Variants in DSCAM observed in about 807,000 individuals in gnomAD.
DSCAM encodes the protein cell adhesion molecule DSCAM.
In DSCAM, 47 loss-of-function variants were observed where a neutral mutation model predicts 217.7. The ratio of observed to expected loss-of-function variants is 0.22; its 90% confidence interval spans 0.17 to 0.28. The LOEUF (loss-of-function observed/expected upper bound fraction) is 0.28. Ranked by LOEUF, DSCAM falls within the 10% of genes least tolerant of loss-of-function variation. The pLI, the probability that DSCAM is intolerant of heterozygous loss-of-function variation, is 1.00. For missense variants in DSCAM, 2,080 were observed against 2,618.3 expected, an observed-to-expected ratio of 0.79 and a Z score of 4.49; for synonymous variants, 1,056 against 1,015.3, an observed-to-expected ratio of 1.04 and a Z score of -0.76.
At chr21:40,329,638 A>G (rs1454808518) in intron 8 of DSCAM, among the ~76,000 whole-genome samples, 1 of 149,230 alleles carries the variant, frequency 6.7e-6, no homozygotes, top group African/African-American at 2.4e-5. Context: ...ATAAATAAAT[A>G]AATAAATAAA....
intron 16 of DSCAM, among the ~76,000 whole-genome samples, chr21:40,150,755 C>G (rs370777389): frequency 6.6e-6 from 1 of 152,126 alleles, no homozygotes; most frequent in African/African-American, 2.4e-5. Flanking sequence ...TTGCTTGGAG[C>G]ATGTGTCTAC....
At chr21:40,533,744 T>C (rs1262083569) in intron 3 of DSCAM, among the ~76,000 whole-genome samples, 1 of 132,194 alleles carries the variant, frequency 7.6e-6, no homozygotes, top group African/African-American at 2.8e-5. Flanking sequence ...TATCCATCCA[T>C]CCACCCATCC....
At chr21:40,250,676 C>T (rs547523243) in intron 11 of DSCAM, among the ~76,000 whole-genome samples, 319 of 152,318 alleles carry the variant, frequency 2.1e-3, no homozygotes, top group Non-Finnish European at 2.9e-3. Context: ...GAAGTGGCAG[C>T]GACAGCTCAG....
chr21:40,567,570 T>C (rs528935760), intron 3 of DSCAM, among the ~76,000 whole-genome samples: 3 of 151,492 alleles, frequency 2.0e-5, no homozygotes, highest in Admixed American at 6.6e-5. Flanking sequence ...CAGACAAACA[T>C]CTGTCTCTAT....
chr21:40,157,725 C>T (rs1014100552), intron 16 of DSCAM, among the ~76,000 whole-genome samples: 11 of 150,096 alleles, frequency 7.3e-5, no homozygotes, highest in African/African-American at 2.5e-4. Context: ...GAGACAGTCT[C>T]GCCTTGTCAC....
At chr21:40,573,227 A>T (rs1447508420) in intron 3 of DSCAM, among the ~76,000 whole-genome samples, 1 of 152,094 alleles carries the variant, frequency 6.6e-6, no homozygotes, top group African/African-American at 2.4e-5. Context: ...AGTCCCAGCT[A>T]CTCAGGAGGC....
At chr21:40,498,484 G>A (rs1012165598) in intron 3 of DSCAM, among the ~76,000 whole-genome samples, 3 of 151,508 alleles carry the variant, frequency 2.0e-5, no homozygotes, top group African/African-American at 7.3e-5. Context: ...GGTAGAAACT[G>A]ACTTCTGTAT....
chr21:40,246,335 G>T (rs972682716), intron 11 of DSCAM, among the ~76,000 whole-genome samples: 1 of 99,022 alleles, frequency 1.0e-5, no homozygotes, highest in Non-Finnish European at 1.8e-5. Context: ...TGGCCAACAT[G>T]ATGAAACCCA....
intron 3 of DSCAM, among the ~76,000 whole-genome samples, chr21:40,639,074 CATT>C (rs2089844813): frequency 1.1e-5 from 1 of 92,788 alleles, no homozygotes; most frequent in Non-Finnish European, 2.3e-5. Flanking sequence ...AAATATCCTG[CATT>C]TTTTTTTTTT....
intron 1 of DSCAM, among the ~76,000 whole-genome samples, chr21:40,803,404 C>T (rs73226001): frequency 0.11 from 17,028 of 152,152 alleles, 1,122 homozygotes; most frequent in East Asian, 0.22. Flanking sequence ...CAGGGAAGGA[C>T]CACTAAAGCC....
intron 16 of DSCAM, among the ~76,000 whole-genome samples, chr21:40,145,980 A>ATGCG (rs1024262776): frequency 6.4e-4 from 71 of 111,702 alleles, no homozygotes; most frequent in African/African-American, 1.8e-3. Context: ...ATACATGTGT[A>ATGCG]TGTATGTATA....
chr21:40,109,791 G>T (rs1300779059), intron 20 of DSCAM, among the ~76,000 whole-genome samples: 1 of 152,172 alleles, frequency 6.6e-6, no homozygotes, highest in African/African-American at 2.4e-5. Context: ...TGCTTGGAGG[G>T]TCCTATGCCC....
At chr21:40,720,604 A>C (rs12626972) in intron 1 of DSCAM, among the ~76,000 whole-genome samples, 6,143 of 152,244 alleles carry the variant, frequency 0.04, 148 homozygotes, top group East Asian at 0.098. Flanking sequence ...CCATCATAAA[A>C]CAACAAACAA....
At chr21:40,449,851 A>T (rs958117532) in intron 3 of DSCAM, among the ~76,000 whole-genome samples, 1 of 152,214 alleles carries the variant, frequency 6.6e-6, no homozygotes, top group Non-Finnish European at 1.5e-5. Context: ...TTACATTAAT[A>T]TATTTGATTT....
At chr21:40,376,881 G>A (rs1400960319) in intron 3 of DSCAM, among the ~76,000 whole-genome samples, 1 of 151,900 alleles carries the variant, frequency 6.6e-6, no homozygotes, top group African/African-American at 2.4e-5. Context: ...CTGACGTTAT[G>A]AGCTGAATTT....
At chr21:40,652,530 C>T (rs934655868) in intron 3 of DSCAM, among the ~76,000 whole-genome samples, 13 of 152,190 alleles carry the variant, frequency 8.5e-5, no homozygotes, top group African/African-American at 2.9e-4. Context: ...GCAGAGAAGC[C>T]CTGAGTCAAG....
chr21:40,711,585 T>C (rs932159212), intron 1 of DSCAM, among the ~76,000 whole-genome samples: 1 of 152,134 alleles, frequency 6.6e-6, no homozygotes, highest in South Asian at 2.1e-4. Context: ...CCCTTCAGAT[T>C]TCCTCTTTAG....
At chr21:40,573,190 T>C (rs1409988742) in intron 3 of DSCAM, among the ~76,000 whole-genome samples, 2 of 151,946 alleles carry the variant, frequency 1.3e-5, no homozygotes, top group African/African-American at 2.4e-5. Flanking sequence ...ACAAAAAAAT[T>C]AGCCGGGCGC....
intron 3 of DSCAM, among the ~76,000 whole-genome samples, chr21:40,503,355 G>C (rs747041235): frequency 6.6e-6 from 1 of 152,188 alleles, no homozygotes; most frequent in African/African-American, 2.4e-5. Context: ...AGCCTACACT[G>C]TTTATTCCCC....
Sources: allele counts gnomAD v4.1 joint callset (sites outside exome capture counted in the v4.1 genomes callset), GRCh38; gene constraint gnomAD v4.1.1; transcripts MANE v1.5; gene names NCBI Gene and HGNC (gene_info 2026-07-23, HGNC 2026-07-21).